Variants in SLFN13 observed in about 807,000 individuals in gnomAD.
The protein encoded by SLFN13 is schlafen-13.
In SLFN13, 43 loss-of-function variants were observed where a neutral mutation model predicts 50.6. That is an observed-to-expected ratio of 0.85 (90% CI 0.67 to 1.09). The LOEUF is 1.09. Ranked by LOEUF, SLFN13 falls within the 50% of genes least tolerant of loss-of-function variation. The pLI is 0.00. For synonymous variants in SLFN13, 339 were observed against 386.5 expected, an observed-to-expected ratio of 0.88 and a Z score of 1.44; for missense variants, 881 against 1,071.1, an observed-to-expected ratio of 0.82 and a Z score of 2.48.
upstream of SLFN13, among the ~76,000 whole-genome samples, chr17:35,449,245 CA>C (rs10537503): frequency 9.6e-3 from 1,341 of 140,006 alleles, 16 homozygotes; most frequent in African/African-American, 0.026. Flanking sequence ...GTTCCCCCTA[CA>C]AAAAAAAAAA....
chr17:35,442,627 T>C (rs1193509318), intron 4 of SLFN13, among the ~76,000 whole-genome samples: 1 of 152,202 alleles, frequency 6.6e-6, no homozygotes, highest in South Asian at 2.1e-4. Context: ...GTATTTTTAG[T>C]AGAGACAGGG....
In SLFN13 at chr17:35,441,053, G is replaced by A. The variant is rs758515406; in HGVS notation, c.2236C>T (p.Gln746Ter). 4 of 1,613,628 alleles carry A rather than the reference G, an allele frequency of 2.5e-6. No homozygotes were observed. In the South Asian group the frequency reaches 4.4e-5, roughly 18 times the overall value. The change falls in exon 6 of 6, where the codon CAA (glutamine) becomes TAA (stop). Residue 746 changes from glutamine to a stop codon, truncating the protein, a stop_gained. Coordinates refer to ENST00000285013, the MANE Select transcript of SLFN13 (RefSeq NM_144682.6). LOFTEE classifies it low-confidence loss of function (END_TRUNC). ...ATTGGAGGATTTTCTATAATTAGTT[G>A]CATTTCTTGTTGTATGTACTCGGCT... is the stretch of plus-strand genomic sequence containing the variant. ...EIAEYIQQEM[Q>*]LIIENPPINI...
In SLFN13 at chr17:35,436,573, G is replaced by A. The variant is rs915402369; in HGVS notation, c.*4022C>T. 3 of 152,158 alleles carry A rather than the reference G, an allele frequency of 2.0e-5. No individual in the cohort carries two copies. The East Asian group carries it at 5.8e-4, about 29-fold the overall frequency. 9.4% of individuals were successfully genotyped at this position (152,158 alleles called of 1,614,324 possible). A position where few individuals can be genotyped will look rare whatever the true frequency, so the allele number is the denominator to read the frequency against. ...CTGGCAGACGCCACTTTATCCAAAT[G>A]ATCAGAGTTAACATCATCAGGAATG... On this transcript the variant is annotated 3_prime_UTR_variant, in exon 6 of 6. Transcript: ENST00000285013.
rs902790839 is a variant in SLFN13, at chr17:35,435,765, A to C, written c.*4830T>G. On this transcript the variant is annotated 3_prime_UTR_variant, in exon 6 of 6. Transcript: ENST00000285013. ...TAATCTGTGGTGAATTACACTGATTAATTTTTTTTTCTTGGAGACAGGGTC... is the reference window on the plus strand; with the variant it reads ...TAATCTGTGGTGAATTACACTGATTCATTTTTTTTTCTTGGAGACAGGGTC... 6.6e-6 allele frequency: 1 copy of C among 152,032 alleles called. No individual in the cohort carries two copies. Among genetic ancestry groups the C allele is most frequent in the African/African-American group, 2.4e-5 (1 of 41,396 alleles). 9.4% of individuals were successfully genotyped at this position (152,032 alleles called of 1,614,324 possible). A position where few individuals can be genotyped will look rare whatever the true frequency, so the allele number is the denominator to read the frequency against.
At position 35,437,806 on chromosome 17, in the gene SLFN13, T is replaced by G. The variant is rs1423632767; in HGVS notation, c.*2789A>C. On this transcript the variant is annotated 3_prime_UTR_variant, in exon 6 of 6. Coordinates refer to ENST00000285013, the MANE Select transcript of SLFN13 (RefSeq NM_144682.6). ...GTACTATGCTTGCAACTTTTCTATA[T>G]GTCTGAACTAAAATAAAAGGCTAAT... 6.6e-6 allele frequency: 1 copy of G among 152,124 alleles called. No individual in the cohort carries two copies. The allele number at this position is 152,124 out of a possible 1,614,324, so 9.4% of individuals were successfully genotyped here. A position where few individuals can be genotyped will look rare whatever the true frequency, so the allele number is the denominator to read the frequency against.
chr17:35,446,011 T>G (rs991580915), intron 2 of SLFN13: 1 of 213,978 alleles, frequency 4.7e-6, no homozygotes, highest in Non-Finnish European at 9.3e-6. Flanking sequence ...AAAGATGCAC[T>G]AGAACTGGCC....
Position 35,440,850 on chromosome 17 carries a change from G to GACA in SLFN13, c.2436_2438dup (p.Val813dup). On this transcript the variant is annotated inframe_insertion, in exon 6 of 6. Transcript: ENST00000285013. ...ACTGCTCCACTTCTGTCACGGTGCTGACAAGCACAGCAACATCCTTTGGAG... is the reference window on the plus strand; with the variant it reads ...ACTGCTCCACTTCTGTCACGGTGCTGACAACAAGCACAGCAACATCCTTTGGAG... 6.2e-7 allele frequency: 1 copy of GACA among 1,614,120 alleles called. No individual in the cohort carries two copies. Among genetic ancestry groups the GACA allele is most frequent in the African/African-American group, 1.3e-5 (1 of 75,056 alleles).
rs760184495 is a variant in SLFN13, at chr17:35,445,233, C to A, written c.448G>T (p.Ala150Ser). ...TCCTTGGTCTTCAGGAAATCGAATG[C>A]CTGTCTTGAATTCATGTGAAGCACA... ...TSVLHMNSRQAFDFLKTKERQ... is the reference protein window; with the variant it reads ...TSVLHMNSRQSFDFLKTKERQ... The change falls in exon 3 of 6, where the codon GCA becomes TCA. Residue 150 changes from alanine to serine, a missense_variant. By Grantham distance (99) the Ala-to-Ser change is moderately conservative (BLOSUM62 1). This residue lies in a region of SLFN13 where 497 missense variants were observed against 518.3 expected (regional missense o/e 0.96). Transcript: ENST00000285013. The A allele has an allele frequency of 7.4e-6, 12 of 1,613,882 alleles. No individual in the cohort carries two copies. The South Asian group carries it at 1.2e-4, about 16-fold the overall frequency.
rs1443901331 is a variant in SLFN13, at chr17:35,441,020, G to A, written c.2269C>T (p.Pro757Ser). The change falls in exon 6 of 6, where the codon CCC (proline) becomes TCC (serine). Residue 757 changes from proline to serine, a missense_variant. Physicochemically the swap from Pro to Ser is moderately conservative, Grantham distance 74. Around this residue, in one of 5 missense-constraint regions of SLFN13, gnomAD observed 322 missense variants for 327.4 expected, o/e 0.98. Coordinates refer to ENST00000285013, the MANE Select transcript of SLFN13 (RefSeq NM_144682.6). ...CTGAGAATTGCCAGATACCCATGGG[G>A]GATATTAATTGGAGGATTTTCTATA... Reference protein sequence around the residue: ...LIIENPPINIPHGYLAILSEA... With the variant: ...LIIENPPINISHGYLAILSEA... 1 of 1,612,888 alleles carries A rather than the reference G, an allele frequency of 6.2e-7. No individual in the cohort carries two copies. The highest frequency in any genetic ancestry group is 8.5e-7 in the Non-Finnish European group (1 of 1,180,012).
At position 35,443,859 on chromosome 17, in the gene SLFN13, T is replaced by A; in HGVS notation, c.1128A>T (p.Ser376=). The A allele has an allele frequency of 6.2e-7, 1 of 1,613,954 alleles. No homozygotes were observed. The highest frequency in any genetic ancestry group is 1.3e-5 in the African/African-American group (1 of 75,052). ...TCTTAGAATACACTGGTCTGCAAAG[T>A]GAAGGACTGTCAGATAGACTCAACT... ...ESQLSLSDSP[S]LCRPVYSKKG... The change falls in exon 4 of 6, where the codon TCA becomes TCT. Residue 376 remains serine, a synonymous_variant. Coordinates refer to ENST00000285013, the MANE Select transcript of SLFN13 (RefSeq NM_144682.6).
chr17:35,442,683 T>A (rs146138039), intron 4 of SLFN13, among the ~76,000 whole-genome samples: 1,644 of 152,306 alleles, frequency 0.011, 33 homozygotes, highest in African/African-American at 0.037. Flanking sequence ...GACCTCATGA[T>A]CTGCCCGCCT....
intron 4 of SLFN13, 94 bp downstream of exon 4, chr17:35,443,695 G>A (rs1474226941): frequency 7.3e-7 from 1 of 1,373,012 alleles, no homozygotes; most frequent in East Asian, 2.3e-5. Context: ...GTGTACACCT[G>A]GATCTGCAGG....
At chr17:35,443,953 T>C in intron 3 of SLFN13, 33 bp from the exon 4 acceptor site, 1 of 1,601,086 alleles carries the variant, frequency 6.2e-7, no homozygotes, top group Non-Finnish European at 8.5e-7. Context: ...TTACACTATA[T>C]GATTTCATGT....
intron 4 of SLFN13, among the ~76,000 whole-genome samples, chr17:35,442,547 C>A (rs1344815122): frequency 6.6e-6 from 1 of 152,156 alleles, no homozygotes; most frequent in Non-Finnish European, 1.5e-5. Flanking sequence ...AGGTTCAGGC[C>A]ATTCTCCTGC....
Position 35,436,927 on chromosome 17 carries a change from T to A in SLFN13, c.*3668A>T, listed in dbSNP as rs1238874045. 2.0e-5 allele frequency: 3 copies of A among 152,130 alleles called. No individual in the cohort carries two copies. The highest frequency in any genetic ancestry group is 1.3e-4 in the Admixed American group (2 of 15,282). 9.4% of individuals were successfully genotyped at this position (152,130 alleles called of 1,614,324 possible). A position where few individuals can be genotyped will look rare whatever the true frequency, so the allele number is the denominator to read the frequency against. On this transcript the variant is annotated 3_prime_UTR_variant, in exon 6 of 6. Transcript: ENST00000285013. ...ACACTTGAGGCACAACTGATATAATTCAATAAAGTCTACAGATTAGATAAT... is the reference window on the plus strand; with the variant it reads ...ACACTTGAGGCACAACTGATATAATACAATAAAGTCTACAGATTAGATAAT...
chr17:35,445,284 A>G lies in SLFN13; in HGVS notation c.397T>C (p.Ser133Pro), dbSNP rs754925240. Residue 133 changes from serine to proline, a missense_variant, in exon 3 of 6, where the codon TCA becomes CCA. Physicochemically the swap from Ser to Pro is moderately conservative, Grantham distance 74. Around this residue, in one of 5 missense-constraint regions of SLFN13, gnomAD observed 497 missense variants for 518.3 expected, o/e 0.96. Transcript: ENST00000285013. ...GAGGTGCCAGATCTACAGTATAATG[A>G]AGAACTAAGGCTGCAAATGCGGGAA... ...FNSRICSLSS[S>P]LYCRSGTSVL... 1 of 1,614,002 alleles carries G rather than the reference A, an allele frequency of 6.2e-7. No individual in the cohort carries two copies. The highest frequency in any genetic ancestry group is 8.5e-7 in the Non-Finnish European group (1 of 1,179,998).
At position 35,438,552 on chromosome 17, in the gene SLFN13, T is replaced by C. The variant is rs1912702790; in HGVS notation, c.*2043A>G. The C allele has an allele frequency of 1.3e-5, 2 of 152,142 alleles. No individual in the cohort carries two copies. Among genetic ancestry groups the C allele is most frequent in the South Asian group, 4.1e-4 (2 of 4,834 alleles). 9.4% of individuals were successfully genotyped at this position (152,142 alleles called of 1,614,324 possible). A position where few individuals can be genotyped will look rare whatever the true frequency, so the allele number is the denominator to read the frequency against. On this transcript the variant is annotated 3_prime_UTR_variant, in exon 6 of 6. Coordinates refer to ENST00000285013, the MANE Select transcript of SLFN13 (RefSeq NM_144682.6). The stretch of plus-strand genomic sequence containing the variant: ...AAGAACATTTACAAAGATAGCTTTT[T>C]GGTGCTGAGCTGTATCTCATTTAAT...
At chr17:35,443,639 A>G (rs1913039431) in intron 4 of SLFN13, 150 bp downstream of exon 4, 2 of 737,510 alleles carry the variant, frequency 2.7e-6, no homozygotes, top group Admixed American at 2.7e-5. Flanking sequence ...GATGATTTCT[A>G]AAGGCACCTG....
In SLFN13 at chr17:35,441,563, C is replaced by T. The variant is rs760837223; in HGVS notation, c.1922G>A (p.Ser641Asn). Reference protein sequence around the residue: ...CENQPLRNFISDRNICRAETR... With the variant: ...CENQPLRNFINDRNICRAETR... ...AAAGACGTAAGATCCAACTGCTTAC[C>T]TGATAAAGTTCCTCAGAGGCTGGTT... is the stretch of plus-strand genomic sequence containing the variant. The change falls in exon 5 of 6, where the codon AGT becomes AAT. Residue 641 changes from serine (S) to asparagine (N), a missense_variant and splice_region_variant. Transcript: ENST00000285013. 2.5e-6 allele frequency: 4 copies of T among 1,609,168 alleles called. No individual in the cohort carries two copies. Among genetic ancestry groups the T allele is most frequent in the Non-Finnish European group, 3.4e-6 (4 of 1,179,014 alleles).
Sources: gnomAD v4.1 joint callset for allele counts (sites outside exome capture counted in the v4.1 genomes callset) on GRCh38, gnomAD v4.1.1 for gene constraint, gnomAD v4.1.1 regional missense constraint, MANE v1.5 for transcripts, NCBI Gene and HGNC (gene_info 2026-07-23, HGNC 2026-07-21) for gene names.